Variants in RBMS1 observed in about 807,000 individuals in gnomAD.
RBMS1 encodes RNA-binding motif, single-stranded-interacting protein 1.
A neutral mutation model predicts 62.3 loss-of-function variants in RBMS1; 17 were observed. That is an observed-to-expected ratio of 0.27 (90% CI 0.19 to 0.41). The LOEUF is 0.41. Ranked by LOEUF, RBMS1 falls within the 10% of genes least tolerant of loss-of-function variation. RBMS1 has a pLI of 1.00. For missense variants in RBMS1, 334 were observed against 504.5 expected (o/e 0.66, Z 3.24); for synonymous variants, 172 against 170.0 (o/e 1.01, Z -0.09).
chr2:160,321,232 T>A (rs1252826661), intron 2 of RBMS1, among the ~76,000 whole-genome samples: 3 of 152,164 alleles, frequency 2.0e-5, no homozygotes, highest in Non-Finnish European at 4.4e-5. Flanking sequence ...GTTTGCTACA[T>A]CTGGCATGAG....
At chr2:160,477,154 G>A (rs1011758580) in intron 1 of RBMS1, among the ~76,000 whole-genome samples, 6 of 152,130 alleles carry the variant, frequency 3.9e-5, no homozygotes, top group African/African-American at 1.4e-4. Flanking sequence ...AAACTTTACA[G>A]GCGGCCTAAG....
intron 1 of RBMS1, among the ~76,000 whole-genome samples, chr2:160,368,455 T>C (rs1037666580): frequency 6.6e-6 from 1 of 152,180 alleles, no homozygotes; most frequent in Non-Finnish European, 1.5e-5. Flanking sequence ...GGCATGTCTA[T>C]AGGAGACAAA....
intron 1 of RBMS1, among the ~76,000 whole-genome samples, chr2:160,435,927 A>G: frequency 6.6e-6 from 1 of 152,190 alleles, no homozygotes; most frequent in Admixed American, 6.6e-5. Flanking sequence ...GGTATAGAGG[A>G]GCAGGAGGCA....
chr2:160,285,537 T>A (rs1183549139), intron 7 of RBMS1, among the ~76,000 whole-genome samples: 1 of 152,048 alleles, frequency 6.6e-6, no homozygotes, highest in Non-Finnish European at 1.5e-5. Context: ...TCCCTAGACA[T>A]TCTTGGATCA....
intron 1 of RBMS1, among the ~76,000 whole-genome samples, chr2:160,452,906 G>A (rs1046449596): frequency 6.6e-6 from 1 of 152,214 alleles, no homozygotes; most frequent in African/African-American, 2.4e-5. Flanking sequence ...GGTGAGGGAA[G>A]TGATAAGTTG....
intron 1 of RBMS1, among the ~76,000 whole-genome samples, chr2:160,375,129 A>G (rs957674566): frequency 6.6e-6 from 1 of 152,174 alleles, no homozygotes; most frequent in African/African-American, 2.4e-5. Context: ...ATAGTGCTGG[A>G]CAGTGCCATC....
chr2:160,337,959 G>A (rs1691668077), intron 2 of RBMS1, among the ~76,000 whole-genome samples: 1 of 152,178 alleles, frequency 6.6e-6, no homozygotes, highest in Non-Finnish European at 1.5e-5. Flanking sequence ...TGCTTGTGCA[G>A]GTGACAATGC....
At chr2:160,409,664 T>C (rs1574023598) in intron 1 of RBMS1, among the ~76,000 whole-genome samples, 1 of 152,200 alleles carries the variant, frequency 6.6e-6, no homozygotes, top group Non-Finnish European at 1.5e-5. Flanking sequence ...AAAAATTCCC[T>C]GTACAACCTC....
At chr2:160,297,784 C>T (rs893812955) in intron 6 of RBMS1, among the ~76,000 whole-genome samples, 8 of 152,108 alleles carry the variant, frequency 5.3e-5, no homozygotes, top group African/African-American at 1.4e-4. Flanking sequence ...TGATGCAGCA[C>T]GCTGTGTTGG....
intron 1 of RBMS1, among the ~76,000 whole-genome samples, chr2:160,372,570 C>A (rs951764572): frequency 6.6e-6 from 1 of 152,226 alleles, no homozygotes; most frequent in Admixed American, 6.5e-5. Context: ...TTTCCATACA[C>A]CAGTTCCTCT....
At chr2:160,299,466 T>C (rs1302024077) in intron 6 of RBMS1, among the ~76,000 whole-genome samples, 1 of 152,142 alleles carries the variant, frequency 6.6e-6, no homozygotes, top group Non-Finnish European at 1.5e-5. Context: ...TTAGTCTTGC[T>C]AGATATCTAT....
chr2:160,347,245 C>T (rs755957328), intron 2 of RBMS1, among the ~76,000 whole-genome samples: 7 of 151,834 alleles, frequency 4.6e-5, no homozygotes, highest in South Asian at 2.1e-4. Flanking sequence ...TGTAGATGTA[C>T]GAATTCAAAT....
At chr2:160,384,048 T>C (rs1041357147) in intron 1 of RBMS1, among the ~76,000 whole-genome samples, 3 of 152,086 alleles carry the variant, frequency 2.0e-5, no homozygotes, top group African/African-American at 7.2e-5. Context: ...ATACAAAAAA[T>C]TAGCCAGGCG....
intron 2 of RBMS1, among the ~76,000 whole-genome samples, chr2:160,325,454 G>T (rs1312811160): frequency 6.6e-6 from 1 of 152,054 alleles, no homozygotes; most frequent in African/African-American, 2.4e-5. Context: ...TCTATTTGAG[G>T]AAACCCCCTC....
intron 1 of RBMS1, among the ~76,000 whole-genome samples, chr2:160,449,744 A>G (rs1683880334): frequency 6.6e-6 from 1 of 152,146 alleles, no homozygotes; most frequent in Non-Finnish European, 1.5e-5. Flanking sequence ...TCCCATGTTT[A>G]TCTGCTGACC....
chr2:160,340,697 A>G (rs1691821612), intron 2 of RBMS1, among the ~76,000 whole-genome samples: 1 of 152,202 alleles, frequency 6.6e-6, no homozygotes, highest in South Asian at 2.1e-4. Flanking sequence ...CAAAACAAAG[A>G]AAACTTCCTG....
intron 6 of RBMS1, among the ~76,000 whole-genome samples, chr2:160,288,214 T>C (rs879335311): frequency 5.8e-4 from 89 of 152,220 alleles, no homozygotes; most frequent in Non-Finnish European, 9.3e-4. Context: ...TCCCACATTC[T>C]GTCCTTTGTC....
chr2:160,370,431 G>A (rs1021228807), intron 1 of RBMS1, among the ~76,000 whole-genome samples: 1 of 152,152 alleles, frequency 6.6e-6, no homozygotes. Context: ...TCAGGAGTTC[G>A]AGACCAGCCT....
chr2:160,460,003 A>G (rs182764954), intron 1 of RBMS1, among the ~76,000 whole-genome samples: 15 of 152,306 alleles, frequency 9.8e-5, no homozygotes, highest in African/African-American at 3.6e-4. Flanking sequence ...CTTAATTACA[A>G]TCTAACACAC....
Sources: gnomAD v4.1 joint callset for allele counts (sites outside exome capture counted in the v4.1 genomes callset) on GRCh38, gnomAD v4.1.1 for gene constraint, MANE v1.5 for transcripts, NCBI Gene and HGNC (gene_info 2026-07-23, HGNC 2026-07-21) for gene names.